SLC6A11: variants seen among roughly 807,000 people sequenced by gnomAD.
SLC6A11 encodes solute carrier family 6 member 11.
Under a neutral mutation model 74.8 loss-of-function variants are expected in SLC6A11, and 25 were observed. The ratio of observed to expected loss-of-function variants is 0.33; its 90% confidence interval spans 0.24 to 0.47. SLC6A11 has a LOEUF of 0.47. SLC6A11 is among the 20% of genes least tolerant of loss of function. The pLI, the probability that SLC6A11 is intolerant of heterozygous loss-of-function variation, is 1.00. For synonymous variants in SLC6A11, 330 were observed against 330.2 expected (o/e 1.00, Z 0.01); for missense variants, 574 against 837.0 (o/e 0.69, Z 3.88).
At chr3:10,817,863 T>A (rs969309822) in intron 1 of SLC6A11, among the ~76,000 whole-genome samples, 1 of 152,196 alleles carries the variant, frequency 6.6e-6, no homozygotes, top group Admixed American at 6.5e-5. Context: ...TGCCCTGTGC[T>A]CTCGGCTGTG....
intron 5 of SLC6A11, among the ~76,000 whole-genome samples, chr3:10,869,677 C>T (rs555583199): frequency 6.6e-6 from 1 of 152,340 alleles, no homozygotes; most frequent in South Asian, 2.1e-4. Context: ...ACTGGACCAG[C>T]GTTATCCGAC....
chr3:10,852,418 T>C (rs1694587714), intron 5 of SLC6A11, among the ~76,000 whole-genome samples: 1 of 152,242 alleles, frequency 6.6e-6, no homozygotes, highest in South Asian at 2.1e-4. Flanking sequence ...TTCAGCCCTT[T>C]CTCTGGCCTT....
intron 6 of SLC6A11, among the ~76,000 whole-genome samples, chr3:10,877,949 G>A (rs1029056882): frequency 4.6e-5 from 7 of 152,106 alleles, no homozygotes; most frequent in African/African-American, 1.4e-4. Flanking sequence ...CCCCGACTCC[G>A]TCCTTGTTGC....
intron 5 of SLC6A11, among the ~76,000 whole-genome samples, chr3:10,845,492 C>A (rs1313083392): frequency 2.0e-5 from 3 of 152,214 alleles, no homozygotes; most frequent in Non-Finnish European, 4.4e-5. Flanking sequence ...ACTCTAAGTT[C>A]TTGGCTGGGG....
At chr3:10,831,919 C>T (rs1694303965) in intron 4 of SLC6A11, among the ~76,000 whole-genome samples, 1 of 152,166 alleles carries the variant, frequency 6.6e-6, no homozygotes, top group Non-Finnish European at 1.5e-5. Flanking sequence ...AATGGTTCAT[C>T]ATTTACTGTT....
intron 7 of SLC6A11, 25 bp downstream of exon 7, chr3:10,912,218 A>G: frequency 4.0e-6 from 6 of 1,490,498 alleles, no homozygotes; most frequent in Non-Finnish European, 5.6e-6. Context: ...GGGCCCTGCC[A>G]GCTCTCCACC....
intron 4 of SLC6A11, among the ~76,000 whole-genome samples, chr3:10,830,678 G>C (rs1330736315): frequency 6.6e-6 from 1 of 152,170 alleles, no homozygotes; most frequent in East Asian, 1.9e-4. Flanking sequence ...CCATGTGGAG[G>C]TCCCAGGAGC....
In SLC6A11 at chr3:10,938,525, A is replaced by T; in HGVS notation, c.*123A>T. On this transcript the variant is annotated 3_prime_UTR_variant, in exon 14 of 14. Transcript: ENST00000254488. ...TTGTTTTGCACAGGATTAATTAACA[A>T]GTTAATTTTAAGGTGGCCACTGTAC... 4 of 1,072,144 alleles carry T rather than the reference A, an allele frequency of 3.7e-6. No homozygotes were observed. The highest frequency in any genetic ancestry group is 5.2e-6 in the Non-Finnish European group (4 of 763,104). 66.4% of individuals were successfully genotyped at this position (1,072,144 alleles called of 1,614,324 possible).
chr3:10,871,681 C>A (rs1035738277), intron 5 of SLC6A11, among the ~76,000 whole-genome samples: 3 of 152,092 alleles, frequency 2.0e-5, no homozygotes, highest in African/African-American at 7.2e-5. Context: ...AACCATCAAG[C>A]CTTATTGATT....
chr3:10,848,349 G>A lies in SLC6A11; in HGVS notation c.756+4003G>A, dbSNP rs532559062. Among the ~76,000 whole-genome samples, 3 of 152,308 alleles carry A rather than the reference G, an allele frequency of 2.0e-5. No individual in the cohort carries two copies. The South Asian group carries it at 6.2e-4, about 32-fold the overall frequency. On this transcript the variant is annotated intron_variant, in intron 5 of 13. Transcript: ENST00000254488. ...CAGAGGTGAAGTCCAGGAAGCGCTG[G>A]CATTAGCATCTCCTTGCTGGGACAA...
At chr3:10,908,292 T>C (rs1352268866) in intron 6 of SLC6A11, among the ~76,000 whole-genome samples, 2 of 152,206 alleles carry the variant, frequency 1.3e-5, no homozygotes, top group African/African-American at 4.8e-5. Flanking sequence ...TTTCTTCAAA[T>C]TGGATGCTAG....
intron 11 of SLC6A11, among the ~76,000 whole-genome samples, chr3:10,933,771 C>CTT (rs1695722041): frequency 1.3e-5 from 2 of 152,188 alleles, no homozygotes; most frequent in Non-Finnish European, 1.5e-5. Flanking sequence ...ATCCCCACCC[C>CTT]TGATTGCCTT....
intron 4 of SLC6A11, among the ~76,000 whole-genome samples, chr3:10,840,734 G>A (rs1694426954): frequency 6.6e-6 from 1 of 152,178 alleles, no homozygotes; most frequent in African/African-American, 2.4e-5. Context: ...GGGCTCTGGA[G>A]CCAGGATCCC....
chr3:10,890,667 G>A (rs2106615181), intron 6 of SLC6A11, among the ~76,000 whole-genome samples: 1 of 152,332 alleles, frequency 6.6e-6, no homozygotes, highest in South Asian at 2.1e-4. Context: ...CTTCTTAAGA[G>A]TTGACACTTG....
intron 6 of SLC6A11, among the ~76,000 whole-genome samples, chr3:10,883,601 C>A (rs1390972470): frequency 6.6e-6 from 1 of 152,106 alleles, no homozygotes; most frequent in Non-Finnish European, 1.5e-5. Context: ...CAAATCTTCC[C>A]TGCCTCCCCA....
intron 7 of SLC6A11, among the ~76,000 whole-genome samples, chr3:10,916,452 G>A (rs1181766736): frequency 6.6e-6 from 1 of 152,228 alleles, no homozygotes; most frequent in African/African-American, 2.4e-5. Flanking sequence ...CCTGCAGGCT[G>A]TAGACTGAAA....
At position 10,874,974 on chromosome 3, in the gene SLC6A11, C is replaced by T. The variant is rs1333446798; in HGVS notation, c.770C>T (p.Thr257Ile). 1 of 1,612,446 alleles carries T rather than the reference C, an allele frequency of 6.2e-7. No individual in the cohort carries two copies. Among genetic ancestry groups the T allele is most frequent in the Non-Finnish European group, 8.5e-7 (1 of 1,179,132 alleles). ...TKSTGKVVYV[T>I]ATFPYIMLLI... ...TCTTGTGCACAGGTTGTATACGTGACTGCGACATTCCCCTACATCATGCTG... is the reference window on the plus strand; with the variant it reads ...TCTTGTGCACAGGTTGTATACGTGATTGCGACATTCCCCTACATCATGCTG... The change falls in exon 6 of 14, where the codon ACT (threonine) becomes ATT (isoleucine). Residue 257 changes from threonine (T) to isoleucine (I), a missense_variant. Thr to Ile is a moderately conservative substitution (Grantham distance 89, BLOSUM62 -1). This residue lies in a region of SLC6A11 where 215 missense variants were observed against 357.9 expected (regional missense o/e 0.60). Coordinates refer to ENST00000254488, the MANE Select transcript of SLC6A11 (RefSeq NM_014229.3).
intron 4 of SLC6A11, among the ~76,000 whole-genome samples, chr3:10,843,369 C>T (rs544553249): frequency 6.6e-6 from 1 of 152,254 alleles, no homozygotes; most frequent in African/African-American, 2.4e-5. Flanking sequence ...CCTGCTTTTT[C>T]CTTCTGATCC....
At chr3:10,869,065 C>T (rs1029913018) in intron 5 of SLC6A11, among the ~76,000 whole-genome samples, 1 of 152,184 alleles carries the variant, frequency 6.6e-6, no homozygotes, top group East Asian at 1.9e-4. Flanking sequence ...TTCTTTATTC[C>T]TCTGTCCAAC....
Sources: allele counts gnomAD v4.1 joint callset (sites outside exome capture counted in the v4.1 genomes callset), GRCh38; gene constraint gnomAD v4.1.1; regional missense constraint gnomAD v4.1.1; transcripts MANE v1.5; gene names NCBI Gene and HGNC (gene_info 2026-07-23, HGNC 2026-07-21).